The following PEX14 variants were observed in gnomAD, a reference collection of about 807,000 sequenced individuals.
PEX14 encodes peroxisomal membrane protein PEX14.
In PEX14, 15 loss-of-function variants were observed where a neutral mutation model predicts 49.5. The observed-to-expected ratio is 0.30, with a 90% CI of 0.20 to 0.47. The LOEUF (loss-of-function observed/expected upper bound fraction) is 0.47. Ranked by LOEUF, PEX14 falls within the 20% of genes least tolerant of loss-of-function variation. The probability of loss-of-function intolerance (pLI) is 1.00; values close to 1 mark genes in which losing one functional copy is unlikely to be tolerated. For synonymous variants in PEX14, 210 were observed against 212.7 expected (o/e 0.99, Z 0.11); for missense variants, 398 against 494.8 (o/e 0.80, Z 1.86).
At position 10,511,668 on chromosome 1, in the gene PEX14, C is replaced by T. The variant is rs72869161; in HGVS notation, c.84+16347C>T. On this transcript the variant is annotated intron_variant, in intron 2 of 8. Coordinates refer to ENST00000356607, the MANE Select transcript of PEX14 (RefSeq NM_004565.3). ...TGTGGGGCCTCTGACTTCCATAGAC[C>T]GTGGGACTGTGACTTCTGTGGACCC... 7.4e-3 allele frequency among the ~76,000 whole-genome samples: 1,131 copies of T among 152,002 alleles called. 15 individuals are homozygous for T. The highest frequency in any genetic ancestry group is 0.025 in the African/African-American group (1,046 of 41,452).
At chr1:10,561,350 A>C (rs1639648913) in intron 3 of PEX14, among the ~76,000 whole-genome samples, 1 of 152,184 alleles carries the variant, frequency 6.6e-6, no homozygotes, top group Non-Finnish European at 1.5e-5. Context: ...TTTATCTAGA[A>C]CTGCCCTCTT....
chr1:10,517,422 A>G (rs1245967817), intron 2 of PEX14, among the ~76,000 whole-genome samples: 1 of 151,920 alleles, frequency 6.6e-6, no homozygotes, highest in Non-Finnish European at 1.5e-5. Flanking sequence ...ACTTCCTTTG[A>G]AGAGAGAGGA....
chr1:10,629,505 A>G lies in PEX14; in HGVS notation c.678-26A>G, dbSNP rs1376228837. 6.4e-6 allele frequency: 10 copies of G among 1,552,818 alleles called. No homozygotes were observed. Among genetic ancestry groups the G allele is most frequent in the South Asian group, 3.3e-5 (3 of 89,860 alleles). On this transcript the variant is annotated intron_variant, in intron 8 of 8. Transcript: ENST00000356607. This position sits in a 1 kb window ranked among gnomAD's most constrained non-coding sequence, Gnocchi z 8.5. ...GGGGGCGTCCTGAATGCCGCCACCA[A>G]CCTCCTCCCCTTCTTCTCCCTCTAG... is the stretch of plus-strand genomic sequence containing the variant.
chr1:10,491,706 A>G (rs657244), intron 1 of PEX14, among the ~76,000 whole-genome samples: 96,740 of 128,778 alleles, frequency 0.75, 36,480 homozygotes, highest in African/African-American at 0.86. Context: ...TTGGAGACAG[A>G]GTCTCACTCT....
At chr1:10,565,642 A>T (rs1320701632) in intron 3 of PEX14, among the ~76,000 whole-genome samples, 2 of 152,222 alleles carry the variant, frequency 1.3e-5, no homozygotes, top group Admixed American at 1.3e-4. Context: ...CTTTCTTAGG[A>T]TTAGGAGATT....
intron 3 of PEX14, among the ~76,000 whole-genome samples, chr1:10,563,154 G>A (rs1570271566): frequency 6.8e-6 from 1 of 147,670 alleles, no homozygotes; most frequent in African/African-American, 2.5e-5. Context: ...CTGACCTTGC[G>A]ATCCACTGAC....
intron 3 of PEX14, among the ~76,000 whole-genome samples, chr1:10,565,597 C>T (rs12738718): frequency 0.11 from 16,317 of 152,220 alleles, 954 homozygotes; most frequent in Non-Finnish European, 0.12. Context: ...ATTTTTATTT[C>T]CATATCTACA....
rs1055620455 is a variant in PEX14, at chr1:10,549,523, T to G, written c.169+13226T>G. Among the ~76,000 whole-genome samples the G allele has an allele frequency of 3.3e-5, 5 of 152,224 alleles. No individual in the cohort carries two copies. The South Asian group carries it at 6.2e-4, about 19-fold the overall frequency. On this transcript the variant is annotated intron_variant, in intron 3 of 8. Coordinates refer to ENST00000356607, the MANE Select transcript of PEX14 (RefSeq NM_004565.3). ...CCATGATGTCCTCTTTGAGTCTATT[T>G]CTCATATTTACTTACATTTTTTTTT...
intron 3 of PEX14, among the ~76,000 whole-genome samples, chr1:10,596,798 G>A (rs1329530553): frequency 6.6e-6 from 1 of 152,190 alleles, no homozygotes. Context: ...TTCATTTACT[G>A]TAACTAAATC....
chr1:10,573,149 C>T (rs1001938605), intron 3 of PEX14, among the ~76,000 whole-genome samples: 3 of 152,220 alleles, frequency 2.0e-5, no homozygotes, highest in African/African-American at 2.4e-5. Flanking sequence ...GGACTACCAT[C>T]GCATGTGCAG....
At chr1:10,570,386 G>A (rs1374313247) in intron 3 of PEX14, among the ~76,000 whole-genome samples, 1 of 152,120 alleles carries the variant, frequency 6.6e-6, no homozygotes, top group Admixed American at 6.5e-5. Context: ...AGGCTGGAGT[G>A]CAGTGGTGCG....
chr1:10,539,155 C>T lies in PEX14; in HGVS notation c.169+2858C>T, dbSNP rs1045023033. ...GGCTGCATCCTGTCCGTGTTACCGACTGGTTAAGTGTTGTGCTCTGTGACT... is the reference window on the plus strand; with the variant it reads ...GGCTGCATCCTGTCCGTGTTACCGATTGGTTAAGTGTTGTGCTCTGTGACT... On this transcript the variant is annotated intron_variant, in intron 3 of 8. Transcript: ENST00000356607. The surrounding 1 kb of genome is among the most constrained non-coding windows in gnomAD (Gnocchi z 4.6). Among the ~76,000 whole-genome samples the T allele has an allele frequency of 6.6e-6, 1 of 152,038 alleles. No individual in the cohort carries two copies. Among genetic ancestry groups the T allele is most frequent in the African/African-American group, 2.4e-5 (1 of 41,386 alleles).
chr1:10,606,410 GC>G (rs1349806607), intron 4 of PEX14, among the ~76,000 whole-genome samples: 1 of 152,224 alleles, frequency 6.6e-6, no homozygotes, highest in Non-Finnish European at 1.5e-5. Context: ...GCTGGATCTT[GC>G]ATGGCTATCC....
At chr1:10,487,571 A>G (rs1442984566) in intron 1 of PEX14, among the ~76,000 whole-genome samples, 2 of 127,872 alleles carry the variant, frequency 1.6e-5, no homozygotes, top group Non-Finnish European at 3.1e-5. Flanking sequence ...TGCAACCTCT[A>G]CCTCCCAGGT....
intron 2 of PEX14, among the ~76,000 whole-genome samples, chr1:10,503,162 C>T (rs1641712727): frequency 6.6e-6 from 1 of 150,932 alleles, no homozygotes. Flanking sequence ...GTTCTGTTTC[C>T]TCCCTTTTCT....
chr1:10,503,199 T>C (rs534392192), intron 2 of PEX14, among the ~76,000 whole-genome samples: 1 of 140,764 alleles, frequency 7.1e-6, no homozygotes, highest in South Asian at 2.3e-4. Context: ...TGAGAATCAC[T>C]TGAACCCCGG....
At chr1:10,509,612 T>TA (rs1340991353) in intron 2 of PEX14, among the ~76,000 whole-genome samples, 1 of 152,120 alleles carries the variant, frequency 6.6e-6, no homozygotes, top group Non-Finnish European at 1.5e-5. Flanking sequence ...CAGGTGGGGG[T>TA]ATCCCCTACT....
At chr1:10,589,482 G>A (rs145161879) in intron 3 of PEX14, among the ~76,000 whole-genome samples, 1 of 152,264 alleles carries the variant, frequency 6.6e-6, no homozygotes, top group East Asian at 1.9e-4. Flanking sequence ...AACCTCCTGG[G>A]CTCAAGCAAT....
chr1:10,620,940 A>G (rs1557435081), intron 5 of PEX14, among the ~76,000 whole-genome samples: 2 of 152,188 alleles, frequency 1.3e-5, no homozygotes, highest in Non-Finnish European at 2.9e-5. Context: ...GAGTCCTCAG[A>G]TGAATGCCCT....
Sources: gnomAD v4.1 joint callset for allele counts (sites outside exome capture counted in the v4.1 genomes callset) on GRCh38, gnomAD v4.1.1 for gene constraint, Gnocchi (gnomAD v3.1) non-coding constraint, MANE v1.5 for transcripts, NCBI Gene and HGNC (gene_info 2026-07-23, HGNC 2026-07-21) for gene names.